Variants in NID1 observed in about 807,000 individuals in gnomAD.
NID1 encodes nidogen 1.
In NID1, 76 loss-of-function variants were observed where a neutral mutation model predicts 130.6. The ratio of observed to expected loss-of-function variants is 0.58; its 90% CI spans 0.48 to 0.70. The LOEUF is 0.70. NID1 is among the 30% of genes least tolerant of loss of function. The pLI is 0.00. For missense variants in NID1, 1,517 were observed against 1,664.8 expected, an observed-to-expected ratio of 0.91 and a Z score of 1.54; for synonymous variants, 665 against 675.1, an observed-to-expected ratio of 0.98 and a Z score of 0.23.
Position 236,042,177 on chromosome 1 carries a change from C to T in NID1, c.868G>A (p.Asp290Asn). 1 of 1,614,084 alleles carries T rather than the reference C, an allele frequency of 6.2e-7. No homozygotes were observed. The highest frequency in any genetic ancestry group is 8.5e-7 in the Non-Finnish European group (1 of 1,180,040). Reference protein sequence around the residue: ...ILGTEDGAEYDDEDEDYDLAT... With the variant: ...ILGTEDGAEYNDEDEDYDLAT... ...AGGTCATAATCTTCATCCTCATCAT[C>T]ATACTCTGCCCCATCTTCAGTTCCG... is the stretch of plus-strand genomic sequence containing the variant. The change falls in exon 4 of 20, where the codon GAT (aspartate) becomes AAT (asparagine). Residue 290 changes from aspartate (D) to asparagine (N), a missense_variant. Asp to Asn is a conservative substitution (Grantham distance 23, BLOSUM62 1). Transcript: ENST00000264187.
At position 235,991,942 on chromosome 1, in the gene NID1, A is replaced by G. The variant is rs530906177; in HGVS notation, c.2756-884T>C. ...TTTATGGGCTTCCAAGAACAAAATCATGGCCAGGGGCTCCTTTTCCCTCAG... is the reference window on the plus strand; with the variant it reads ...TTTATGGGCTTCCAAGAACAAAATCGTGGCCAGGGGCTCCTTTTCCCTCAG... On this transcript the variant is annotated intron_variant, in intron 13 of 19. Transcript: ENST00000264187. Among the ~76,000 whole-genome samples the G allele has an allele frequency of 2.6e-5, 4 of 152,262 alleles. No homozygotes were observed. In the South Asian group the frequency reaches 8.3e-4, roughly 32 times the overall value.
intron 1 of NID1, among the ~76,000 whole-genome samples, chr1:236,053,110 A>G (rs1659807766): frequency 1.3e-5 from 2 of 152,230 alleles, no homozygotes; most frequent in African/African-American, 4.8e-5. Context: ...GATTGAACCC[A>G]CTACCATCAT....
chr1:236,038,083 G>T (rs529928373), intron 5 of NID1, 21 bp downstream of exon 5: 3 of 1,584,470 alleles, frequency 1.9e-6, no homozygotes, highest in Non-Finnish European at 2.6e-6. Flanking sequence ...CGCATGAAAC[G>T]AACATAGAAA....
At chr1:236,007,703 C>T (rs541615099) in intron 12 of NID1, among the ~76,000 whole-genome samples, 60 of 152,232 alleles carry the variant, frequency 3.9e-4, no homozygotes, top group African/African-American at 1.0e-3. Context: ...GACAACCATG[C>T]GGGTCCTTCA....
At chr1:236,014,777 C>G (rs976997645) in intron 10 of NID1, among the ~76,000 whole-genome samples, 1 of 152,178 alleles carries the variant, frequency 6.6e-6, no homozygotes, top group Non-Finnish European at 1.5e-5. Flanking sequence ...AGTAGGACCT[C>G]AAGTTCACCA....
At chr1:236,019,478 G>T (rs951434669) in intron 9 of NID1, among the ~76,000 whole-genome samples, 1 of 152,170 alleles carries the variant, frequency 6.6e-6, no homozygotes, top group Non-Finnish European at 1.5e-5. Context: ...GAACATTTAC[G>T]CAAGGGGAAG....
At chr1:236,005,609 C>T (rs1366713241) in intron 12 of NID1, among the ~76,000 whole-genome samples, 2 of 151,950 alleles carry the variant, frequency 1.3e-5, no homozygotes, top group African/African-American at 4.8e-5. Flanking sequence ...TTAGTATTAC[C>T]CCTTCCACTA....
chr1:236,041,292 T>G (rs1327996474), intron 4 of NID1, among the ~76,000 whole-genome samples: 1 of 151,268 alleles, frequency 6.6e-6, no homozygotes, highest in Non-Finnish European at 1.5e-5. Flanking sequence ...GGTCTCAATC[T>G]CTTGAGCTTG....
chr1:236,047,021 G>C lies in NID1; in HGVS notation c.526-1338C>G, dbSNP rs1659622064. 2.0e-5 allele frequency among the ~76,000 whole-genome samples: 3 copies of C among 152,176 alleles called. No individual in the cohort carries two copies. The South Asian group carries it at 6.2e-4, about 32-fold the overall frequency. The stretch of plus-strand genomic sequence containing the variant: ...AGCTACCTGGGAGGCTGAGGCAGGA[G>C]AATCACTTGAACCCAGGAGGTGGAG... On this transcript the variant is annotated intron_variant, in intron 2 of 19. Transcript: ENST00000264187.
In NID1 at chr1:236,017,110, T is replaced by C. The variant is rs1294684309; in HGVS notation, c.2254+38A>G. On this transcript the variant is annotated intron_variant, in intron 10 of 19. Coordinates refer to ENST00000264187, the MANE Select transcript of NID1 (RefSeq NM_002508.3). ...TTTGCATAAGAGCTAATGCACACCA[T>C]GTGAATACTGTTTCGAAAAGTTACC... is the stretch of plus-strand genomic sequence containing the variant. 1.9e-6 allele frequency: 3 copies of C among 1,613,344 alleles called. No homozygotes were observed. In the South Asian group the frequency reaches 3.3e-5, roughly 18 times the overall value.
intron 12 of NID1, 79 bp from the exon 13 acceptor site, chr1:235,993,951 C>T: frequency 1.5e-6 from 2 of 1,371,990 alleles, no homozygotes; most frequent in Non-Finnish European, 2.0e-6. Flanking sequence ...CAGGAGTCCC[C>T]GCAGCTCGCT....
intron 9 of NID1, among the ~76,000 whole-genome samples, chr1:236,018,495 C>A (rs1658664564): frequency 6.6e-6 from 1 of 152,196 alleles, no homozygotes; most frequent in Non-Finnish European, 1.5e-5. Flanking sequence ...CTTTGGGGGC[C>A]AGGCTGTGGC....
chr1:236,062,213 G>A (rs533994766), intron 1 of NID1, among the ~76,000 whole-genome samples: 2 of 152,238 alleles, frequency 1.3e-5, no homozygotes, highest in South Asian at 4.1e-4. Context: ...CTTGCATTTG[G>A]TCAGCAAGCC....
Position 235,993,628 on chromosome 1 carries a change from G to T in NID1, c.2755+17C>A. On this transcript the variant is annotated intron_variant, in intron 13 of 19. Coordinates refer to ENST00000264187, the MANE Select transcript of NID1 (RefSeq NM_002508.3). ...CCTTCTCAGGCACACGCCCAAGCAC[G>T]GCCTGCACCCACTTACACGGGGGCG... 6.6e-7 allele frequency: 1 copy of T among 1,517,430 alleles called. No individual in the cohort carries two copies. Among genetic ancestry groups the T allele is most frequent in the Non-Finnish European group, 8.9e-7 (1 of 1,125,352 alleles). 94.0% of individuals were successfully genotyped at this position (1,517,430 alleles called of 1,614,324 possible).
intron 12 of NID1, among the ~76,000 whole-genome samples, chr1:236,008,799 TG>T (rs1428575295): frequency 1.3e-5 from 2 of 151,990 alleles, no homozygotes; most frequent in African/African-American, 4.8e-5. Flanking sequence ...CCCAAGTAGC[TG>T]GGATTACATT....
At chr1:235,996,578 T>A (rs35197078) in intron 12 of NID1, among the ~76,000 whole-genome samples, 25,886 of 151,532 alleles carry the variant, frequency 0.17, 2,876 homozygotes, top group East Asian at 0.56. Context: ...AGTAGGTGGA[T>A]CTACAGGCAT....
chr1:235,980,717 T>A (rs1258549312), intron 16 of NID1, 64 bp from the exon 17 acceptor site: 1 of 1,519,616 alleles, frequency 6.6e-7, no homozygotes, highest in Non-Finnish European at 9.0e-7. Context: ...AAAAAGTTTA[T>A]GAAAAACACT....
rs750808021 is a variant in NID1, at chr1:236,013,499, G to T, written c.2316C>A (p.Pro772=). The T allele has an allele frequency of 1.2e-6, 2 of 1,613,430 alleles. No homozygotes were observed. Among genetic ancestry groups the T allele is most frequent in the African/African-American group, 2.7e-5 (2 of 74,676 alleles). ...CETGLHNCDI[P]QRAQCIYTGG... ...CTGTGTAGATACACTGGGCCCGCTG[G>T]GGTATGTCGCAGTTATGAAGGCCAG... is the stretch of plus-strand genomic sequence containing the variant. The change falls in exon 11 of 20, where the codon CCC becomes CCA. Residue 772 remains proline, a synonymous_variant. Transcript: ENST00000264187.
At chr1:236,038,457 C>G (rs1372116432) in intron 4 of NID1, among the ~76,000 whole-genome samples, 1 of 152,158 alleles carries the variant, frequency 6.6e-6, no homozygotes, top group East Asian at 1.9e-4. Flanking sequence ...TGGTGAAACT[C>G]ACATCACTGA....
Sources: gnomAD v4.1 joint callset for allele counts (sites outside exome capture counted in the v4.1 genomes callset) on GRCh38, gnomAD v4.1.1 for gene constraint, MANE v1.5 for transcripts, NCBI Gene and HGNC (gene_info 2026-07-23, HGNC 2026-07-21) for gene names.